The following EPRS1 variants were observed in gnomAD, a reference collection of about 807,000 sequenced individuals.
The protein encoded by EPRS1 is glutamyl-prolyl-tRNA synthetase 1.
In EPRS1, 107 loss-of-function variants were observed where a neutral mutation model predicts 188.3. That is an observed-to-expected ratio of 0.57 (90% CI 0.49 to 0.67). The LOEUF is 0.67. Among genes scored for constraint, EPRS1 ranks in the 30% least tolerant of loss-of-function variants. The pLI, the probability that EPRS1 is intolerant of heterozygous loss-of-function variation, is 0.00. For synonymous variants in EPRS1, 596 were observed against 593.1 expected, an observed-to-expected ratio of 1.00 and a Z score of -0.07; for missense variants, 1,577 against 1,802.2, an observed-to-expected ratio of 0.88 and a Z score of 2.26.
intron 27 of EPRS1, among the ~76,000 whole-genome samples, 175 bp downstream of exon 27, chr1:219,979,239 CAATA>C (rs1249887174): frequency 1.2e-4 from 19 of 152,270 alleles, no homozygotes; most frequent in South Asian, 2.1e-4. Context: ...GAGTAAGAAA[CAATA>C]AATAAATAAT....
intron 29 of EPRS1, 28 bp from the exon 30 acceptor site, chr1:219,972,175 A>G (rs770252533): frequency 5.1e-6 from 7 of 1,369,308 alleles, no homozygotes; most frequent in Non-Finnish European, 7.1e-6. Flanking sequence ...AAAACAATAC[A>G]TAATTGTTCT....
intron 12 of EPRS1, among the ~76,000 whole-genome samples, chr1:220,013,095 T>A (rs1661639296): frequency 6.6e-6 from 1 of 152,172 alleles, no homozygotes; most frequent in African/African-American, 2.4e-5. Context: ...TCATAGAGAT[T>A]GACAACAGCT....
At position 220,007,318 on chromosome 1, in the gene EPRS1, C is replaced by T. The variant is rs1393576666; in HGVS notation, c.1626G>A (p.Lys542=). Residue 542 remains lysine (K), a synonymous_variant, in exon 14 of 32, where the codon AAG becomes AAA. Coordinates refer to ENST00000366923, the MANE Select transcript of EPRS1 (RefSeq NM_004446.3). The stretch of plus-strand genomic sequence containing the variant: ...AAACTTTGGGACTATACCACACAGG[C>T]TTCAAGCCAACCTCAGGATTCTGAT... The part of the protein sequence containing the change: ...KHPKNPEVGL[K]PVWYSPKVFI... 1 of 1,610,622 alleles carries T rather than the reference C, an allele frequency of 6.2e-7. No homozygotes were observed. Among genetic ancestry groups the T allele is most frequent in the Non-Finnish European group, 8.5e-7 (1 of 1,179,088 alleles).
intron 3 of EPRS1, among the ~76,000 whole-genome samples, chr1:220,034,222 C>T (rs926626710): frequency 1.3e-5 from 2 of 152,082 alleles, no homozygotes; most frequent in African/African-American, 4.8e-5. Flanking sequence ...TCTATGTTGT[C>T]TATGTTTAGA....
rs1662124324 is a variant in EPRS1, at chr1:220,033,575, G to T, written c.315C>A (p.Cys105Ter). The T allele has an allele frequency of 1.2e-6, 2 of 1,610,224 alleles. No homozygotes were observed. The highest frequency in any genetic ancestry group is 1.7e-5 in the Admixed American group (1 of 59,894). ...CAACTAAGTATGTTCTCAGAGACAG[G>T]CAATGATTGAGTTCATTAATTGTAG... ...FTSTINELNH[C>*]LSLRTYLVGN... The change falls in exon 4 of 32, where the codon TGC (cysteine) becomes TGA (stop). Residue 105 changes from cysteine to a stop codon, truncating the protein, a stop_gained. Coordinates refer to ENST00000366923, the MANE Select transcript of EPRS1 (RefSeq NM_004446.3). LOFTEE classifies it high-confidence loss of function.
chr1:219,981,469 G>T lies in EPRS1; in HGVS notation c.3374-12C>A. ...TGCAGGATACATTACTGAAAGACAC[G>T]GGAAAATAGAGACAGTCATTTAAGG... On this transcript the variant is annotated splice_polypyrimidine_tract_variant and intron_variant, in intron 23 of 31. Coordinates refer to ENST00000366923, the MANE Select transcript of EPRS1 (RefSeq NM_004446.3). The T allele has an allele frequency of 6.4e-7, 1 of 1,557,262 alleles. No homozygotes were observed. The highest frequency in any genetic ancestry group is 8.8e-7 in the Non-Finnish European group (1 of 1,142,058).
intron 9 of EPRS1, among the ~76,000 whole-genome samples, chr1:220,020,812 ATCAATTTGAATT>A (rs1441195480): frequency 5.0e-5 from 7 of 140,868 alleles, no homozygotes; most frequent in Non-Finnish European, 9.2e-5. Context: ...TACATGCAGT[ATCAATTTGAATT>A]TATATATATA....
intron 11 of EPRS1, 149 bp from the exon 12 acceptor site, chr1:220,018,657 A>G: frequency 1.5e-6 from 1 of 649,762 alleles, no homozygotes; most frequent in South Asian, 1.9e-5. Flanking sequence ...CTCAGTGTAT[A>G]CAAACTAATT....
intron 18 of EPRS1, among the ~76,000 whole-genome samples, chr1:219,994,142 A>G (rs1341773405): frequency 6.6e-6 from 1 of 152,202 alleles, no homozygotes; most frequent in African/African-American, 2.4e-5. Flanking sequence ...AGCCGAAGCC[A>G]CTGTCTGTGT....
intron 30 of EPRS1, among the ~76,000 whole-genome samples, chr1:219,969,884 T>A (rs1874814): frequency 0.46 from 69,907 of 151,914 alleles, 16,184 homozygotes; most frequent in South Asian, 0.52. Flanking sequence ...ACAGTGGCAC[T>A]ATCTTGGCTC....
rs201931421 is a variant in EPRS1 at position 219,997,242 on chromosome 1, C to G, written c.2282G>C (p.Gly761Ala). 1.4e-5 allele frequency: 23 copies of G among 1,614,016 alleles called. No homozygotes were observed. The East Asian group carries it at 5.1e-4, about 36-fold the overall frequency. ...LVLYNRVAVQ[G>A]DVVRELKAKK... ...GGCTTTTAATTCACGAACCACATCT[C>G]CTTGAACAGCCACTCTATTGTAAAG... The change falls in exon 18 of 32, where the codon GGA (glycine) becomes GCA (alanine). Residue 761 changes from glycine to alanine, a missense_variant. Physicochemically the swap from Gly to Ala is moderately conservative, Grantham distance 60. This residue lies in a region of EPRS1 where 1,278 missense variants were observed against 1,457.4 expected (regional missense o/e 0.88). Coordinates refer to ENST00000366923, the MANE Select transcript of EPRS1 (RefSeq NM_004446.3).
chr1:220,000,826 CA>C (rs1661336080), intron 17 of EPRS1, among the ~76,000 whole-genome samples: 1 of 152,078 alleles, frequency 6.6e-6, no homozygotes, highest in Non-Finnish European at 1.5e-5. Flanking sequence ...ACTAAAAATA[CA>C]AAAATTAGCC....
intron 17 of EPRS1, 77 bp downstream of exon 17, chr1:220,001,061 T>A: frequency 1.2e-6 from 1 of 831,874 alleles, no homozygotes; most frequent in Non-Finnish European, 2.1e-6. Context: ...AAGATAATCA[T>A]CTGTAAAGAA....
intron 17 of EPRS1, among the ~76,000 whole-genome samples, chr1:219,999,863 C>T (rs964112610): frequency 6.6e-6 from 1 of 152,118 alleles, no homozygotes; most frequent in Non-Finnish European, 1.5e-5. Context: ...TTAGTCCCAG[C>T]TACTTGGGAG....
intron 1 of EPRS1, among the ~76,000 whole-genome samples, chr1:220,044,785 C>T (rs1662369983): frequency 6.6e-6 from 1 of 150,794 alleles, no homozygotes; most frequent in Admixed American, 6.6e-5. Flanking sequence ...CATTATTCTC[C>T]CTTTCTTAAA....
At chr1:220,004,282 C>T (rs1198010986) in intron 16 of EPRS1, among the ~76,000 whole-genome samples, 1 of 152,242 alleles carries the variant, frequency 6.6e-6, no homozygotes, top group African/African-American at 2.4e-5. Context: ...AATCCTCTTG[C>T]CTCAGCCTTG....
intron 6 of EPRS1, among the ~76,000 whole-genome samples, chr1:220,025,847 T>G (rs1571692062): frequency 6.6e-6 from 1 of 150,786 alleles, no homozygotes; most frequent in Non-Finnish European, 1.5e-5. Flanking sequence ...CAGGCTGGAG[T>G]GCAGTGGCAC....
chr1:220,010,629 G>A (rs1045745600), intron 13 of EPRS1, among the ~76,000 whole-genome samples: 2 of 152,000 alleles, frequency 1.3e-5, no homozygotes, highest in Non-Finnish European at 2.9e-5. Context: ...GGCCAACATG[G>A]TGAAACCCCA....
Position 220,032,457 on chromosome 1 carries a change from A to G in EPRS1, c.458T>C (p.Phe153Ser). The change falls in exon 5 of 32, where the codon TTT (phenylalanine) becomes TCT (serine). Residue 153 changes from phenylalanine (F) to serine (S), a missense_variant. Physicochemically the swap from Phe to Ser is radical, Grantham distance 155. Transcript: ENST00000366923. Reference sequence around the variant, plus strand: ...CTGGAAGGCCTGCTGGGCTTCAAGAAAGCCAAACCAACGTTTTACATGAAC... The same window carrying G: ...CTGGAAGGCCTGCTGGGCTTCAAGAGAGCCAAACCAACGTTTTACATGAAC... The part of the protein sequence containing the change: ...APVHVKRWFG[F>S]LEAQQAFQSV... The G allele has an allele frequency of 6.2e-7, 1 of 1,613,928 alleles. No individual in the cohort carries two copies. The highest frequency in any genetic ancestry group is 8.5e-7 in the Non-Finnish European group (1 of 1,179,950).
Sources: allele counts gnomAD v4.1 joint callset (sites outside exome capture counted in the v4.1 genomes callset), GRCh38; gene constraint gnomAD v4.1.1; regional missense constraint gnomAD v4.1.1; transcripts MANE v1.5; gene names NCBI Gene and HGNC (gene_info 2026-07-23, HGNC 2026-07-21).